Variants in CD8A observed in about 807,000 individuals in gnomAD.
CD8A encodes the protein T-cell surface glycoprotein CD8 alpha chain.
CD8A carries 25 observed loss-of-function variants against 24.2 expected under a neutral mutation model. That is an observed-to-expected ratio of 1.03 (90% CI 0.75 to 1.44). The LOEUF (loss-of-function observed/expected upper bound fraction) is 1.44, where lower values mean the gene tolerates loss of function less well. Among genes scored for constraint, CD8A ranks in the 40% most tolerant of loss-of-function variants. The probability of loss-of-function intolerance (pLI) is 0.00; values close to 1 mark genes in which losing one functional copy is unlikely to be tolerated. For synonymous variants in CD8A, 165 were observed against 149.9 expected, an observed-to-expected ratio of 1.10 and a Z score of -0.74; for missense variants, 360 against 319.7, an observed-to-expected ratio of 1.13 and a Z score of -0.96.
intron 5 of CD8A, among the ~76,000 whole-genome samples, chr2:86,787,333 A>G (rs1001467824): frequency 3.3e-5 from 5 of 152,128 alleles, no homozygotes; most frequent in African/African-American, 1.2e-4. Flanking sequence ...AAAAACAACA[A>G]TGTGTAAAGT....
Position 86,787,707 on chromosome 2 carries a change from A to T in CD8A, c.656+823T>A, listed in dbSNP as rs539977826. 1.2e-4 allele frequency among the ~76,000 whole-genome samples: 18 copies of T among 152,320 alleles called. No individual in the cohort carries two copies. In the South Asian group the frequency reaches 3.7e-3, roughly 32 times the overall value. On this transcript the variant is annotated intron_variant, in intron 5 of 5. Transcript: ENST00000283635. ...TATTACTATTGATAATCTGAGTTTA[A>T]TGTGCCTTTGCCACTTTACTAATCC...
rs1233238261 is a variant in CD8A at position 86,790,416 on chromosome 2, G to C, written c.315C>G (p.Phe105Leu). ...GDTFVLTLSD[F>L]RRENEGYYFC... ...AATAGTAGCCCTCGTTCTCTCGGCGGAAGTCGCTCAGGGTGAGGACGAAGG... is the reference window on the plus strand; with the variant it reads ...AATAGTAGCCCTCGTTCTCTCGGCGCAAGTCGCTCAGGGTGAGGACGAAGG... Residue 105 changes from phenylalanine to leucine, a missense_variant, in exon 2 of 6, where the codon TTC (phenylalanine) becomes TTG (leucine). By Grantham distance (22) the Phe-to-Leu change is conservative (BLOSUM62 0). Coordinates refer to ENST00000283635, the MANE Select transcript of CD8A (RefSeq NM_001768.7). 1 of 1,614,048 alleles carries C rather than the reference G, an allele frequency of 6.2e-7. No homozygotes were observed. The highest frequency in any genetic ancestry group is 1.3e-5 in the African/African-American group (1 of 74,944).
At chr2:86,794,765 T>TA (rs1286944368), upstream of CD8A, among the ~76,000 whole-genome samples, 2 of 152,150 alleles carry the variant, frequency 1.3e-5, no homozygotes, top group African/African-American at 4.8e-5. Flanking sequence ...CGGGGATCCC[T>TA]AATGTTGCCT....
intron 2 of CD8A, among the ~76,000 whole-genome samples, chr2:86,804,795 T>C (rs1396832981): frequency 2.5e-5 from 2 of 79,056 alleles, no homozygotes; most frequent in African/African-American, 1.0e-4. Flanking sequence ...TTGCTAAATC[T>C]TTTTTTTTTT....
chr2:86,787,415 A>G (rs1673064248), intron 5 of CD8A, among the ~76,000 whole-genome samples: 1 of 152,142 alleles, frequency 6.6e-6, no homozygotes, highest in Non-Finnish European at 1.5e-5. Flanking sequence ...AATGTAAAAT[A>G]TTTCATCTAC....
At chr2:86,795,735 T>G (rs1054776450), upstream of CD8A, among the ~76,000 whole-genome samples, 4 of 152,110 alleles carry the variant, frequency 2.6e-5, no homozygotes, top group African/African-American at 9.7e-5. Flanking sequence ...GATCTGATTT[T>G]CTCTTGATTG....
chr2:86,790,392 ATAG>A lies in CD8A; in HGVS notation c.336_338del (p.Tyr113del), dbSNP rs1461719695. On this transcript the variant is annotated inframe_deletion, in exon 2 of 6. Coordinates refer to ENST00000283635, the MANE Select transcript of CD8A (RefSeq NM_001768.7). ...TGGAGTTGCTCAGGGCCGAGCAGAA[ATAG>A]TAGCCCTCGTTCTCTCGGCGGAAGT... The A allele has an allele frequency of 6.2e-7, 1 of 1,614,128 alleles. No individual in the cohort carries two copies. Among genetic ancestry groups the A allele is most frequent in the East Asian group, 2.2e-5 (1 of 44,876 alleles).
At chr2:86,798,689 A>T (rs57263643) in intron 3 of CD8A, among the ~76,000 whole-genome samples, 1 of 151,856 alleles carries the variant, frequency 6.6e-6, no homozygotes, top group Non-Finnish European at 1.5e-5. Context: ...TGCCCAGCTA[A>T]TTTTTATATT....
At chr2:86,789,203 G>C in intron 4 of CD8A, 120 bp downstream of exon 4, 1 of 754,062 alleles carries the variant, frequency 1.3e-6, no homozygotes, top group Non-Finnish European at 2.4e-6. Flanking sequence ...CTGCGGGGCA[G>C]CTCGGGAGTC....
chr2:86,796,434 A>C (rs1673485426), intron 3 of CD8A, among the ~76,000 whole-genome samples: 1 of 152,236 alleles, frequency 6.6e-6, no homozygotes, highest in Non-Finnish European at 1.5e-5. Flanking sequence ...AGTAAAGAGA[A>C]GAGGGCATCC....
chr2:86,787,529 T>A (rs1385804825), intron 5 of CD8A, among the ~76,000 whole-genome samples: 1 of 152,166 alleles, frequency 6.6e-6, no homozygotes, highest in Non-Finnish European at 1.5e-5. Context: ...CCGGGCAGTA[T>A]GACCTTGGAC....
chr2:86,786,315 G>A (rs1672994577), intron 5 of CD8A, among the ~76,000 whole-genome samples: 1 of 152,352 alleles, frequency 6.6e-6, no homozygotes. Flanking sequence ...AGGTGTGAGA[G>A]TGAGACTGAT....
At chr2:86,791,136 C>G (rs1259254337), upstream of CD8A, 2 of 637,486 alleles carry the variant, frequency 3.1e-6, no homozygotes, top group Non-Finnish European at 5.8e-6. Context: ...GGAAATAGTC[C>G]TTGGAAATGG....
upstream of CD8A, chr2:86,791,833 T>TG (rs1275863160): frequency 2.8e-6 from 1 of 362,702 alleles, no homozygotes; most frequent in African/African-American, 2.1e-5. Flanking sequence ...CCCTTGCACT[T>TG]GCGGTCCCTC....
chr2:86,790,830 C>T lies in CD8A; in HGVS notation c.-5G>A, dbSNP rs753127935. On this transcript the variant is annotated 5_prime_UTR_variant, in exon 1 of 6. Coordinates refer to ENST00000283635, the MANE Select transcript of CD8A (RefSeq NM_001768.7). ...GGCGGTCACTGGTAAGGCCATGACG[C>T]GCTCCCCAGGACGCTGCTTGGCTCG... The T allele has an allele frequency of 4.5e-6, 7 of 1,543,972 alleles. No individual in the cohort carries two copies. In the East Asian group the frequency reaches 1.7e-4, roughly 37 times the overall value.
chr2:86,794,575 C>A (rs1398658265), upstream of CD8A, among the ~76,000 whole-genome samples: 1 of 152,198 alleles, frequency 6.6e-6, no homozygotes, highest in East Asian at 1.9e-4. Flanking sequence ...TGTCACCTTT[C>A]TTTTCCTCCA....
In CD8A at chr2:86,790,336, A is replaced by C. The variant is rs745609013; in HGVS notation, c.395T>G (p.Phe132Cys). The change falls in exon 2 of 6, where the codon TTC (phenylalanine) becomes TGC (cysteine). Residue 132 changes from phenylalanine (F) to cysteine (C), a missense_variant. Physicochemically the swap from Phe to Cys is radical, Grantham distance 205. Transcript: ENST00000283635. ...CAACCCGGCGCGCGGACCTGGCAGG[A>C]AGACCGGCACGAAGTGGCTGAAGTA... ...IMYFSHFVPVFLPAKPTTTPA... is the reference protein window; with the variant it reads ...IMYFSHFVPVCLPAKPTTTPA... 2 of 1,613,338 alleles carry C rather than the reference A, an allele frequency of 1.2e-6. No individual in the cohort carries two copies. The highest frequency in any genetic ancestry group is 1.7e-4 in the Middle Eastern group (1 of 6,060).
At chr2:86,800,326 G>T (rs1673628053) in intron 3 of CD8A, among the ~76,000 whole-genome samples, 1 of 151,572 alleles carries the variant, frequency 6.6e-6, no homozygotes, top group African/African-American at 2.4e-5. Context: ...GTCGGGCATG[G>T]TGGCAAGCGC....
At chr2:86,796,520 C>T (rs186013910) in intron 3 of CD8A, among the ~76,000 whole-genome samples, 3 of 152,226 alleles carry the variant, frequency 2.0e-5, no homozygotes, top group Admixed American at 1.3e-4. Context: ...GGGTAAGAAG[C>T]TGAACTGTAA....
Sources: allele counts gnomAD v4.1 joint callset (sites outside exome capture counted in the v4.1 genomes callset), GRCh38; gene constraint gnomAD v4.1.1; transcripts MANE v1.5; gene names NCBI Gene and HGNC (gene_info 2026-07-23, HGNC 2026-07-21).